The following BARHL1 variants were observed in gnomAD, a reference collection of about 807,000 sequenced individuals.
BARHL1 encodes the protein BarH like homeobox 1, also known as barH-like 1 homeobox protein.
In BARHL1, 2 loss-of-function variants were observed where a neutral mutation model predicts 20.1. The ratio of observed to expected loss-of-function variants is 0.10; its 90% CI spans 0.04 to 0.31. The LOEUF (loss-of-function observed/expected upper bound fraction) is 0.31, where lower values mean the gene tolerates loss of function less well. Ranked by LOEUF, BARHL1 falls within the 10% of genes least tolerant of loss-of-function variation. The probability of loss-of-function intolerance (pLI) is 1.00; values close to 1 mark genes in which losing one functional copy is unlikely to be tolerated. For synonymous variants in BARHL1, 213 were observed against 209.9 expected, an observed-to-expected ratio of 1.01 and a Z score of -0.13; for missense variants, 397 against 454.0, an observed-to-expected ratio of 0.87 and a Z score of 1.14.
chr9:132,587,279 C>A lies in BARHL1; in HGVS notation c.467-50C>A. On this transcript the variant is annotated intron_variant, in intron 1 of 2. Transcript: ENST00000263610. The surrounding 1 kb of genome is among the most constrained non-coding windows in gnomAD (Gnocchi z 5.5). ...AACGCCACGGGCAGGAGCGGGAGGGCACCGGCGGCGGCTGCGAGGCCGGGC... is the reference window on the plus strand; with the variant it reads ...AACGCCACGGGCAGGAGCGGGAGGGAACCGGCGGCGGCTGCGAGGCCGGGC... The A allele has an allele frequency of 6.7e-7, 1 of 1,500,498 alleles. No homozygotes were observed. Among genetic ancestry groups the A allele is most frequent in the Non-Finnish European group, 9.0e-7 (1 of 1,107,956 alleles). The allele number at this position is 1,500,498 out of a possible 1,614,324, so 92.9% of individuals were successfully genotyped here.
Position 132,587,484 on chromosome 9 carries a change from C to A in BARHL1, c.622C>A (p.Arg208Ser). Residue 208 changes from arginine to serine, a missense_variant, in exon 2 of 3, where the codon CGC becomes AGC. Physicochemically the swap from Arg to Ser is moderately radical, Grantham distance 110 (BLOSUM62 -1). Transcript: ENST00000263610. The surrounding 1 kb of genome is among the most constrained non-coding windows in gnomAD (Gnocchi z 5.5). ...GCAGAAGTACCTGAGCGTGCAGGAC[C>A]GCATGGAGCTCGCCGCCTCGCTCAA... ...ERQKYLSVQD[R>S]MELAASLNLT... 6.2e-7 allele frequency: 1 copy of A among 1,612,658 alleles called. No homozygotes were observed. The highest frequency in any genetic ancestry group is 8.5e-7 in the Non-Finnish European group (1 of 1,179,642).
Position 132,589,683 on chromosome 9 carries a change from C to T in BARHL1, c.*161C>T. 1.0e-6 allele frequency: 1 copy of T among 991,664 alleles called. No homozygotes were observed. Among genetic ancestry groups the T allele is most frequent in the Non-Finnish European group, 1.3e-6 (1 of 777,186 alleles). 61.4% of individuals were successfully genotyped at this position (991,664 alleles called of 1,614,324 possible). On this transcript the variant is annotated 3_prime_UTR_variant, in exon 3 of 3. Coordinates refer to ENST00000263610, the MANE Select transcript of BARHL1 (RefSeq NM_020064.4). ...CCCCCCGAAGGGCCAAATGCCAAGT[C>T]CACTGAGGCCCGGACCCCGGACTGC...
chr9:132,589,998 G>A lies in BARHL1; in HGVS notation c.*476G>A, dbSNP rs1350691419. On this transcript the variant is annotated 3_prime_UTR_variant, in exon 3 of 3. Coordinates refer to ENST00000263610, the MANE Select transcript of BARHL1 (RefSeq NM_020064.4). ...CCCTACCCCTCGAGCACCTGGGCCA[G>A]CGGCTGAGCTGTACATACCGTGTGC... 1 of 158,338 alleles carries A rather than the reference G, an allele frequency of 6.3e-6. No homozygotes were observed. Among genetic ancestry groups the A allele is most frequent in the Non-Finnish European group, 1.4e-5 (1 of 72,294 alleles). 9.8% of individuals were successfully genotyped at this position (158,338 alleles called of 1,614,324 possible).
Position 132,583,098 on chromosome 9 carries a change from A to T in BARHL1, c.301A>T (p.Ile101Phe), listed in dbSNP as rs1454002237. The change falls in exon 1 of 3, where the codon ATC (isoleucine) becomes TTC (phenylalanine). Residue 101 changes from isoleucine (I) to phenylalanine (F), a missense_variant. Coordinates refer to ENST00000263610, the MANE Select transcript of BARHL1 (RefSeq NM_020064.4). The stretch of plus-strand genomic sequence containing the variant: ...CACCTCCTCCTTTCTGATCAGGGAC[A>T]TCCTTGCCGACTGCAAACCACTCGC... ...TVTSSFLIRDILADCKPLAAC... is the reference protein window; with the variant it reads ...TVTSSFLIRDFLADCKPLAAC... The T allele has an allele frequency of 1.2e-6, 2 of 1,613,846 alleles. No individual in the cohort carries two copies. The highest frequency in any genetic ancestry group is 1.7e-5 in the Admixed American group (1 of 60,026).
chr9:132,586,034 A>G (rs1373271826), intron 1 of BARHL1, among the ~76,000 whole-genome samples: 2 of 152,206 alleles, frequency 1.3e-5, no homozygotes, highest in African/African-American at 4.8e-5. Flanking sequence ...GGGCAGGGAG[A>G]GCCTGGTGCC....
chr9:132,587,208 G>C lies in BARHL1; in HGVS notation c.467-121G>C. The C allele has an allele frequency of 1.0e-6, 1 of 965,898 alleles. No homozygotes were observed. The highest frequency in any genetic ancestry group is 1.6e-5 in the South Asian group (1 of 63,256). The allele number at this position is 965,898 out of a possible 1,614,324, so 59.8% of individuals were successfully genotyped here. On this transcript the variant is annotated intron_variant, in intron 1 of 2. Transcript: ENST00000263610. This position sits in a 1 kb window ranked among gnomAD's most constrained non-coding sequence, Gnocchi z 5.5. The stretch of plus-strand genomic sequence containing the variant: ...TCCCGTCTGAGAGCGGCCCCCGCGA[G>C]CTTGGGTGTCGCGGAACCACCGCTG...
Position 132,589,471 on chromosome 9 carries a change from G to A in BARHL1, c.933G>A (p.Pro311=), listed in dbSNP as rs765558808. 9.2e-6 allele frequency: 14 copies of A among 1,524,074 alleles called. No homozygotes were observed. Among genetic ancestry groups the A allele is most frequent in the East Asian group, 2.7e-5 (1 of 37,252 alleles). The allele number at this position is 1,524,074 out of a possible 1,614,324, so 94.4% of individuals were successfully genotyped here. Residue 311 remains proline, a synonymous_variant, in exon 3 of 3, where the codon CCG becomes CCA. Coordinates refer to ENST00000263610, the MANE Select transcript of BARHL1 (RefSeq NM_020064.4). ...TCCAGGGCGCCAGCGAGCCGCCCCC[G>A]CCGCTGCCCCCCCTGGCCGGCGTCC... ...HGLQGASEPP[P]PLPPLAGVLP... is the part of the protein sequence containing the mutation.
At chr9:132,586,885 C>G (rs1830150157) in intron 1 of BARHL1, among the ~76,000 whole-genome samples, 1 of 152,380 alleles carries the variant, frequency 6.6e-6, no homozygotes, top group East Asian at 1.9e-4. Flanking sequence ...CCTTCGGCTT[C>G]CTCCCTTCCT....
At position 132,587,147 on chromosome 9, in the gene BARHL1, C is replaced by T. The variant is rs1183707452; in HGVS notation, c.467-182C>T. On this transcript the variant is annotated intron_variant, in intron 1 of 2. Transcript: ENST00000263610. This position sits in a 1 kb window ranked among gnomAD's most constrained non-coding sequence, Gnocchi z 5.5. ...GCGCTCCCGCCGCCGTCCTGTTCCC[C>T]TCAGGGTTCATGTCCTGTTCCCGGG... Among the ~76,000 whole-genome samples the T allele has an allele frequency of 6.6e-6, 1 of 152,242 alleles. No individual in the cohort carries two copies. Among genetic ancestry groups the T allele is most frequent in the African/African-American group, 2.4e-5 (1 of 41,466 alleles).
At chr9:132,583,305 T>C in intron 1 of BARHL1, 42 bp downstream of exon 1, 2 of 1,522,392 alleles carry the variant, frequency 1.3e-6, no homozygotes, top group Non-Finnish European at 1.8e-6. Flanking sequence ...ATGCTATGTA[T>C]CTAAAAACTG....
At position 132,587,319 on chromosome 9, in the gene BARHL1, G is replaced by A; in HGVS notation, c.467-10G>A. 6.3e-7 allele frequency: 1 copy of A among 1,591,970 alleles called. No homozygotes were observed. Among genetic ancestry groups the A allele is most frequent in the Non-Finnish European group, 8.5e-7 (1 of 1,171,808 alleles). On this transcript the variant is annotated splice_polypyrimidine_tract_variant and intron_variant, in intron 1 of 2. Coordinates refer to ENST00000263610, the MANE Select transcript of BARHL1 (RefSeq NM_020064.4). The surrounding 1 kb of genome is among the most constrained non-coding windows in gnomAD (Gnocchi z 5.5). ...CGAGGCCGGGCCCTGACATGCCGCT[G>A]TGTCCGCAGTGAAGGAGGAGGGCGA... is the stretch of plus-strand genomic sequence containing the variant.
chr9:132,589,880 C>T lies in BARHL1; in HGVS notation c.*358C>T. The T allele has an allele frequency of 5.1e-6, 1 of 196,552 alleles. No individual in the cohort carries two copies. Among genetic ancestry groups the T allele is most frequent in the Non-Finnish European group, 1.0e-5 (1 of 97,456 alleles). 12.2% of individuals were successfully genotyped at this position (196,552 alleles called of 1,614,324 possible). A position where few individuals can be genotyped will look rare whatever the true frequency, so the allele number is the denominator to read the frequency against. ...GGGTGCGGCTGATTCCCAGGCTTCG[C>T]TCTCTCCCACGCCCCTTCTACGCTC... On this transcript the variant is annotated 3_prime_UTR_variant, in exon 3 of 3. Transcript: ENST00000263610.
chr9:132,584,754 G>A (rs1589937513), intron 1 of BARHL1, among the ~76,000 whole-genome samples: 1 of 152,208 alleles, frequency 6.6e-6, no homozygotes, highest in East Asian at 1.9e-4. Context: ...AGATCCAGAG[G>A]CATGCGGGTG....
chr9:132,587,592 C>G lies in BARHL1; in HGVS notation c.689+41C>G, dbSNP rs1589938663. 1.3e-6 allele frequency: 2 copies of G among 1,541,762 alleles called. No homozygotes were observed. Among genetic ancestry groups the G allele is most frequent in the African/African-American group, 1.4e-5 (1 of 73,180 alleles). ...GGGGGTAGAGGCAGAAAGGGAACTT[C>G]CCCTTTCCTCACAGCTCCTGGAGGG... On this transcript the variant is annotated intron_variant, in intron 2 of 2. Transcript: ENST00000263610. This position sits in a 1 kb window ranked among gnomAD's most constrained non-coding sequence, Gnocchi z 5.5.
In BARHL1 at chr9:132,587,648, AG is replaced by A; in HGVS notation, c.689+100del. 8.4e-7 allele frequency: 1 copy of A among 1,188,274 alleles called. No individual in the cohort carries two copies. The highest frequency in any genetic ancestry group is 1.2e-6 in the Non-Finnish European group (1 of 844,624). 73.6% of individuals were successfully genotyped at this position (1,188,274 alleles called of 1,614,324 possible). A position where few individuals can be genotyped will look rare whatever the true frequency, so the allele number is the denominator to read the frequency against. ...GGAGTCTACAGGTTGGTGCTAAGGG[AG>A]GGCCCCAGAGCCTCCCCCATTCTGT... is the stretch of plus-strand genomic sequence containing the variant. On this transcript the variant is annotated intron_variant, in intron 2 of 2. Coordinates refer to ENST00000263610, the MANE Select transcript of BARHL1 (RefSeq NM_020064.4). The surrounding 1 kb of genome is among the most constrained non-coding windows in gnomAD (Gnocchi z 5.5).
intron 1 of BARHL1, among the ~76,000 whole-genome samples, chr9:132,586,358 G>A (rs1400843316): frequency 6.6e-6 from 1 of 152,372 alleles, no homozygotes; most frequent in Non-Finnish European, 1.5e-5. Context: ...AAGTGGTCTA[G>A]CTGGTTATAT....
At position 132,589,454 on chromosome 9, in the gene BARHL1, G is replaced by A; in HGVS notation, c.916G>A (p.Ala306Thr). 1.3e-6 allele frequency: 2 copies of A among 1,525,238 alleles called. No homozygotes were observed. Among genetic ancestry groups the A allele is most frequent in the Non-Finnish European group, 1.8e-6 (2 of 1,141,356 alleles). 94.5% of individuals were successfully genotyped at this position (1,525,238 alleles called of 1,614,324 possible). ...CATCCTCATCCACGGACTCCAGGGC[G>A]CCAGCGAGCCGCCCCCGCCGCTGCC... is the stretch of plus-strand genomic sequence containing the variant. ...PRILIHGLQG[A>T]SEPPPPLPPL... Residue 306 changes from alanine to threonine, a missense_variant, in exon 3 of 3, where the codon GCC becomes ACC. Ala to Thr is a moderately conservative substitution (Grantham distance 58). This residue lies in a region of BARHL1 where 121 missense variants were observed against 135.9 expected (regional missense o/e 0.89). Coordinates refer to ENST00000263610, the MANE Select transcript of BARHL1 (RefSeq NM_020064.4).
chr9:132,585,591 G>A (rs1468944542), intron 1 of BARHL1, among the ~76,000 whole-genome samples: 1 of 152,172 alleles, frequency 6.6e-6, no homozygotes, highest in South Asian at 2.1e-4. Context: ...AGGCAGGGTC[G>A]GTGAATGGGC....
Position 132,587,334 on chromosome 9 carries a change from G to A in BARHL1, c.472G>A (p.Glu158Lys), listed in dbSNP as rs1293011463. 1.9e-6 allele frequency: 3 copies of A among 1,602,508 alleles called. No individual in the cohort carries two copies. Among genetic ancestry groups the A allele is most frequent in the East Asian group, 4.5e-5 (2 of 44,512 alleles). Residue 158 changes from glutamate (E) to lysine (K), a missense_variant, in exon 2 of 3, where the codon GAG becomes AAG. Transcript: ENST00000263610. The surrounding 1 kb of genome is among the most constrained non-coding windows in gnomAD (Gnocchi z 5.5). ...ASSDSEYKVK[E>K]EGDREISSSR... ...ACATGCCGCTGTGTCCGCAGTGAAG[G>A]AGGAGGGCGACCGCGAGATCTCCAG...
Sources: gnomAD v4.1 joint callset for allele counts (sites outside exome capture counted in the v4.1 genomes callset) on GRCh38, gnomAD v4.1.1 for gene constraint, gnomAD v4.1.1 regional missense constraint, Gnocchi (gnomAD v3.1) non-coding constraint, MANE v1.5 for transcripts, NCBI Gene and HGNC (gene_info 2026-07-23, HGNC 2026-07-21) for gene names.